DRC3: variants seen among roughly 807,000 people sequenced by gnomAD.
DRC3 encodes the protein dynein regulatory complex subunit 3.
Under a neutral mutation model 57.6 loss-of-function variants are expected in DRC3, and 45 were observed. The observed-to-expected ratio is 0.78, with a 90% CI of 0.62 to 1.00. The LOEUF (loss-of-function observed/expected upper bound fraction) is 1.00, where lower values mean the gene tolerates loss of function less well. Ranked by LOEUF, DRC3 falls within the 50% of genes least tolerant of loss-of-function variation. DRC3 has a pLI of 0.00. For synonymous variants in DRC3, 257 were observed against 272.3 expected (o/e 0.94, Z 0.55); for missense variants, 655 against 675.2 (o/e 0.97, Z 0.33).
intron 12 of DRC3, among the ~76,000 whole-genome samples, chr17:18,013,559 G>A (rs1368058565): frequency 6.6e-6 from 1 of 152,208 alleles, no homozygotes; most frequent in African/African-American, 2.4e-5. Flanking sequence ...AACACCTCAT[G>A]TTCTCACTCA....
chr17:18,012,149 CAAA>C (rs2044191968), intron 12 of DRC3, among the ~76,000 whole-genome samples: 1 of 152,096 alleles, frequency 6.6e-6, no homozygotes, highest in African/African-American at 2.4e-5. Context: ...TTAAAACAAA[CAAA>C]AACACAGATA....
intron 10 of DRC3, chr17:18,005,368 C>G (rs935759491): frequency 6.6e-6 from 1 of 152,212 alleles, no homozygotes; most frequent in African/African-American, 2.4e-5. Context: ...ATGTGAGGTG[C>G]TCACTCTGCA....
At chr17:17,991,407 C>T (rs1256025763) in intron 5 of DRC3, among the ~76,000 whole-genome samples, 2 of 148,332 alleles carry the variant, frequency 1.3e-5, no homozygotes, top group Non-Finnish European at 1.5e-5. Flanking sequence ...TCTCCTGCCT[C>T]AGCCTCCCAA....
At chr17:17,996,512 A>G (rs927030102) in intron 8 of DRC3, among the ~76,000 whole-genome samples, 6 of 151,966 alleles carry the variant, frequency 3.9e-5, no homozygotes, top group Non-Finnish European at 7.4e-5. Context: ...CACAGGAAAG[A>G]CTCACCCCCA....
chr17:17,985,714 T>C (rs1369850316), intron 4 of DRC3, among the ~76,000 whole-genome samples: 1 of 152,108 alleles, frequency 6.6e-6, no homozygotes, highest in Non-Finnish European at 1.5e-5. Context: ...AGCAAGCACC[T>C]CAAATCAGGG....
chr17:17,979,400 T>G (rs2145203453), intron 3 of DRC3, among the ~76,000 whole-genome samples: 1 of 151,126 alleles, frequency 6.6e-6, no homozygotes, highest in East Asian at 1.9e-4. Context: ...GGATAGACCG[T>G]GGAGGCCAGG....
chr17:18,002,716 C>T (rs1197325172), intron 9 of DRC3, among the ~76,000 whole-genome samples: 6 of 152,136 alleles, frequency 3.9e-5, no homozygotes, highest in Non-Finnish European at 8.8e-5. Flanking sequence ...CCCAGGACCC[C>T]GTGAGGCAGA....
At chr17:18,002,278 G>A (rs1012479459) in intron 9 of DRC3, among the ~76,000 whole-genome samples, 1 of 152,090 alleles carries the variant, frequency 6.6e-6, no homozygotes, top group Non-Finnish European at 1.5e-5. Flanking sequence ...GGTAGGGATC[G>A]AGCCTGGTTT....
intron 5 of DRC3, among the ~76,000 whole-genome samples, chr17:17,990,510 G>A (rs754752822): frequency 1.3e-5 from 2 of 152,160 alleles, no homozygotes; most frequent in Admixed American, 6.5e-5. Context: ...TGCTGTCTTG[G>A]CTTCCAGGAA....
At chr17:18,010,660 T>G (rs1399458695) in intron 12 of DRC3, 2 of 173,226 alleles carry the variant, frequency 1.2e-5, no homozygotes, top group African/African-American at 4.8e-5. Flanking sequence ...GATGACACTA[T>G]GGCAGCAGGA....
intron 11 of DRC3, chr17:18,006,739 G>A (rs1262399393): frequency 2.4e-6 from 1 of 416,632 alleles, no homozygotes; most frequent in Non-Finnish European, 4.5e-6. Context: ...GGCAACAAGT[G>A]GTGCCAAATG....
At chr17:17,978,340 C>T (rs1021545525) in intron 3 of DRC3, among the ~76,000 whole-genome samples, 1 of 152,130 alleles carries the variant, frequency 6.6e-6, no homozygotes, top group Non-Finnish European at 1.5e-5. Flanking sequence ...ATCCCTGTCT[C>T]GAGCATTGGG....
intron 3 of DRC3, among the ~76,000 whole-genome samples, chr17:17,978,967 G>A (rs1206445784): frequency 6.6e-6 from 1 of 152,208 alleles, no homozygotes; most frequent in African/African-American, 2.4e-5. Flanking sequence ...TAAATAAAAT[G>A]AAGAAGGAAA....
rs1255054909 is a variant in DRC3 at position 17,992,884 on chromosome 17, G to A, written c.564G>A (p.Leu188=). 10 of 1,613,936 alleles carry A rather than the reference G, an allele frequency of 6.2e-6. No homozygotes were observed. In the South Asian group the frequency reaches 6.6e-5, roughly 11 times the overall value. Residue 188 remains leucine (L), a synonymous_variant, in exon 6 of 14, where the codon CTG becomes CTA. Coordinates refer to ENST00000399187, the MANE Select transcript of DRC3 (RefSeq NM_031294.4). ...CCTACCTTCCTGACCTCATGTACCT[G>A]GACTACCGGCGCATTGATGACCACA... The part of the protein sequence containing the change: ...ICAYLPDLMY[L]DYRRIDDHTK...
intron 7 of DRC3, 147 bp downstream of exon 7, chr17:17,994,565 C>T: frequency 2.6e-6 from 3 of 1,173,416 alleles, no homozygotes; most frequent in Non-Finnish European, 3.5e-6. Context: ...CTCTCCCTTC[C>T]TGGCTCATCT....
intron 12 of DRC3, among the ~76,000 whole-genome samples, chr17:18,014,126 G>A (rs909436956): frequency 1.3e-5 from 2 of 151,954 alleles, no homozygotes; most frequent in African/African-American, 4.8e-5. Flanking sequence ...CACCATATTG[G>A]CCAGGCTGGT....
intron 3 of DRC3, among the ~76,000 whole-genome samples, chr17:17,980,950 T>C (rs1231740516): frequency 6.6e-6 from 1 of 152,152 alleles, no homozygotes; most frequent in African/African-American, 2.4e-5. Flanking sequence ...ATTGAAAACA[T>C]TATATTTCAC....
intron 5 of DRC3, chr17:17,988,477 T>G: frequency 5.5e-6 from 1 of 182,860 alleles, no homozygotes; most frequent in Non-Finnish European, 1.1e-5. Context: ...ACCCCCATAG[T>G]CAAGGCACAA....
chr17:17,984,758 C>T (rs1292874402), intron 4 of DRC3, among the ~76,000 whole-genome samples: 1 of 152,182 alleles, frequency 6.6e-6, no homozygotes, highest in Non-Finnish European at 1.5e-5. Context: ...TCTGACCTCA[C>T]AGCCCACATT....
Sources: allele counts gnomAD v4.1 joint callset (sites outside exome capture counted in the v4.1 genomes callset), GRCh38; gene constraint gnomAD v4.1.1; transcripts MANE v1.5; gene names NCBI Gene and HGNC (gene_info 2026-07-23, HGNC 2026-07-21).